ANKRD18B: variants seen among roughly 807,000 people sequenced by gnomAD.
The protein encoded by ANKRD18B is ankyrin repeat domain-containing protein 18B.
In ANKRD18B, 75 loss-of-function variants were observed where a neutral mutation model predicts 111.8. That is an observed-to-expected ratio of 0.67 (90% CI 0.56 to 0.81). The LOEUF is 0.81. Among genes scored for constraint, ANKRD18B ranks in the 40% least tolerant of loss-of-function variants. ANKRD18B has a pLI of 0.00. For synonymous variants in ANKRD18B, 356 were observed against 417.3 expected (o/e 0.85, Z 1.79); for missense variants, 1,038 against 1,225.5 (o/e 0.85, Z 2.28).
Position 33,528,759 on chromosome 9 carries a change from G to A in ANKRD18B, c.239G>A (p.Arg80His), listed in dbSNP as rs774619870. 23 of 1,612,872 alleles carry A rather than the reference G, an allele frequency of 1.4e-5. No individual in the cohort carries two copies. Among genetic ancestry groups the A allele is most frequent in the Middle Eastern group, 3.3e-4 (2 of 6,082 alleles). Residue 80 changes from arginine (R) to histidine (H), a missense_variant, in exon 2 of 19, where the codon CGT becomes CAT. Arg to His is a conservative substitution (Grantham distance 29, BLOSUM62 0). Around this residue, in one of 4 missense-constraint regions of ANKRD18B, gnomAD observed 216 missense variants for 205.1 expected, o/e 1.05. Coordinates refer to ENST00000684830, the MANE Select transcript of ANKRD18B (RefSeq NM_001393611.1). ...TVLHLACAHG[R>H]VQVVTLLLDR... ...CTACATTTGGCCTGTGCCCATGGCC[G>A]TGTGCAAGTGGTCACTCTCTTGCTG...
chr9:33,553,613 G>A (rs1015755477), intron 12 of ANKRD18B, among the ~76,000 whole-genome samples: 4 of 152,164 alleles, frequency 2.6e-5, no homozygotes, highest in African/African-American at 4.8e-5. Context: ...TCAGGAAGAA[G>A]GGAGATCTCT....
At chr9:33,535,784 T>TTA (rs1171050903) in intron 5 of ANKRD18B, among the ~76,000 whole-genome samples, 2 of 101,692 alleles carry the variant, frequency 2.0e-5, no homozygotes, top group Admixed American at 9.0e-5. Context: ...ATTATAAATA[T>TTA]TATATATAAT....
intron 3 of ANKRD18B, among the ~76,000 whole-genome samples, chr9:33,531,535 G>T (rs956851576): frequency 4.7e-5 from 7 of 150,132 alleles, no homozygotes; most frequent in Admixed American, 6.6e-5. Context: ...CCACATCACT[G>T]CTTGGTCTGC....
At chr9:33,550,391 A>T (rs1398011046) in intron 11 of ANKRD18B, 39 bp from the exon 12 acceptor site, 3 of 1,506,720 alleles carry the variant, frequency 2.0e-6, no homozygotes, top group Non-Finnish European at 2.7e-6. Flanking sequence ...TTTAATAATA[A>T]GGCACTTTAT....
rs778088911 is a variant in ANKRD18B at position 33,547,981 on chromosome 9, AT to A, written c.1197del (p.Phe399LeufsTer3). The A allele has an allele frequency of 4.1e-6, 6 of 1,467,614 alleles. No individual in the cohort carries two copies. Among genetic ancestry groups the A allele is most frequent in the Non-Finnish European group, 5.4e-6 (6 of 1,109,730 alleles). 90.9% of individuals were successfully genotyped at this position (1,467,614 alleles called of 1,614,324 possible). On this transcript the variant is annotated frameshift_variant, in exon 11 of 19. Coordinates refer to ENST00000684830, the MANE Select transcript of ANKRD18B (RefSeq NM_001393611.1). LOFTEE classifies it high-confidence loss of function. ...AAAAAGAAGGATGAGATGTTTGGAA[AT>A]TTTATGTTGAAGAGAGACATTGCCA... is the stretch of plus-strand genomic sequence containing the variant. ...YGKKKDEMFGNFMLKRDIAML... is the reference protein window; with the variant it reads ...YGKKKDEMFGXFMLKRDIAML...
At position 33,555,644 on chromosome 9, in the gene ANKRD18B, T is replaced by C. The variant is rs897888783; in HGVS notation, c.2218-64T>C. ...TTATTCATCAACTTATGAGAAATAA[T>C]ATTTTTAAGATAGAAGAGGGTCTCT... On this transcript the variant is annotated intron_variant, in intron 12 of 18. Coordinates refer to ENST00000684830, the MANE Select transcript of ANKRD18B (RefSeq NM_001393611.1). 63 of 1,153,584 alleles carry C rather than the reference T, an allele frequency of 5.5e-5. No homozygotes were observed. The African/African-American group carries it at 9.2e-4, about 17-fold the overall frequency. 71.5% of individuals were successfully genotyped at this position (1,153,584 alleles called of 1,614,324 possible). A position where few individuals can be genotyped will look rare whatever the true frequency, so the allele number is the denominator to read the frequency against.
intron 13 of ANKRD18B, among the ~76,000 whole-genome samples, chr9:33,556,417 C>T (rs1828528130): frequency 6.6e-6 from 1 of 151,728 alleles, no homozygotes; most frequent in East Asian, 1.9e-4. Flanking sequence ...GTGTGCACCA[C>T]CCTGCCTGGC....
In ANKRD18B at chr9:33,566,423, A is replaced by G. The variant is rs1173274396; in HGVS notation, c.2665A>G (p.Lys889Glu). 1 of 1,609,584 alleles carries G rather than the reference A, an allele frequency of 6.2e-7. No homozygotes were observed. The highest frequency in any genetic ancestry group is 1.3e-5 in the African/African-American group (1 of 74,764). ...HMEKDMVELG[K>E]VQEYKSELDE... ...GGAAAAAGATATGGTAGAACTTGGT[A>G]AAGTACAAGAATATAAATCGGAGCT... Residue 889 changes from lysine (K) to glutamate (E), a missense_variant, in exon 15 of 19, where the codon AAA becomes GAA. By Grantham distance (56) the Lys-to-Glu change is moderately conservative (BLOSUM62 1). Around this residue, in one of 4 missense-constraint regions of ANKRD18B, gnomAD observed 524 missense variants for 677.9 expected, o/e 0.77. Coordinates refer to ENST00000684830, the MANE Select transcript of ANKRD18B (RefSeq NM_001393611.1).
Position 33,528,753 on chromosome 9 carries a change from A to G in ANKRD18B, c.233A>G (p.His78Arg), listed in dbSNP as rs1289670112. Residue 78 changes from histidine to arginine, a missense_variant, in exon 2 of 19, where the codon CAT becomes CGT. By Grantham distance (29) the His-to-Arg change is conservative (BLOSUM62 0). Around this residue, in one of 4 missense-constraint regions of ANKRD18B, gnomAD observed 216 missense variants for 205.1 expected, o/e 1.05. Coordinates refer to ENST00000684830, the MANE Select transcript of ANKRD18B (RefSeq NM_001393611.1). ...ACTGTTCTACATTTGGCCTGTGCCC[A>G]TGGCCGTGTGCAAGTGGTCACTCTC... Reference protein sequence around the residue: ...DRTVLHLACAHGRVQVVTLLL... With the variant: ...DRTVLHLACARGRVQVVTLLL... 2 of 1,613,034 alleles carry G rather than the reference A, an allele frequency of 1.2e-6. No homozygotes were observed. Among genetic ancestry groups the G allele is most frequent in the African/African-American group, 2.7e-5 (2 of 74,936 alleles).
chr9:33,541,212 A>G lies in ANKRD18B; in HGVS notation c.1063A>G (p.Lys355Glu). The G allele has an allele frequency of 6.5e-7, 1 of 1,546,450 alleles. No individual in the cohort carries two copies. Among genetic ancestry groups the G allele is most frequent in the Non-Finnish European group, 8.7e-7 (1 of 1,145,846 alleles). ...RKKRKKLKKR[K>E]EGAKEHNLKV... ...AAAAAGAAAAAAATTGAAAAAAAGAAAAGAAGGTGCAAAAGGTAAGACACT... is the reference window on the plus strand; with the variant it reads ...AAAAAGAAAAAAATTGAAAAAAAGAGAAGAAGGTGCAAAAGGTAAGACACT... Residue 355 changes from lysine to glutamate, a missense_variant, in exon 9 of 19, where the codon AAA (lysine) becomes GAA (glutamate). Transcript: ENST00000684830.
At chr9:33,554,079 A>C (rs1359326801) in intron 12 of ANKRD18B, among the ~76,000 whole-genome samples, 1 of 151,810 alleles carries the variant, frequency 6.6e-6, no homozygotes, top group Non-Finnish European at 1.5e-5. Context: ...CTCAAAAAAA[A>C]AATAAATAAA....
At chr9:33,558,269 TGC>T in intron 14 of ANKRD18B, 82 bp downstream of exon 14, 1 of 1,453,414 alleles carries the variant, frequency 6.9e-7, no homozygotes. Context: ...GGTAAATGTG[TGC>T]CATGATGGTT....
In ANKRD18B at chr9:33,555,750, A is replaced by T; in HGVS notation, c.2260A>T (p.Ile754Leu). Residue 754 changes from isoleucine (I) to leucine (L), a missense_variant, in exon 13 of 19, where the codon ATA (isoleucine) becomes TTA (leucine). Ile to Leu is a conservative substitution (Grantham distance 5). This residue lies in a region of ANKRD18B where 524 missense variants were observed against 677.9 expected (regional missense o/e 0.77). Coordinates refer to ENST00000684830, the MANE Select transcript of ANKRD18B (RefSeq NM_001393611.1). ...HEEFRKVFEL[I>L]SLLNYTADQI... is the part of the protein sequence containing the mutation. ...AGAATTCAGAAAAGTTTTTGAATTA[A>T]TATCATTACTGAACTATACTGCGGA... 7.0e-7 allele frequency: 1 copy of T among 1,421,488 alleles called. No homozygotes were observed. The highest frequency in any genetic ancestry group is 9.2e-7 in the Non-Finnish European group (1 of 1,088,878). The allele number at this position is 1,421,488 out of a possible 1,614,324, so 88.1% of individuals were successfully genotyped here.
chr9:33,573,352 C>T, downstream of ANKRD18B: 4 of 961,698 alleles, frequency 4.2e-6, no homozygotes, highest in Non-Finnish European at 4.9e-6. Flanking sequence ...GTCCCTGGCT[C>T]AGCCTCAAGG....
intron 16 of ANKRD18B, among the ~76,000 whole-genome samples, chr9:33,567,686 G>A (rs923167225): frequency 3.3e-5 from 5 of 151,972 alleles, no homozygotes; most frequent in Non-Finnish European, 4.4e-5. Flanking sequence ...TTATTTTTTG[G>A]TAGATCACAA....
chr9:33,574,502 C>T (rs377122757), downstream of ANKRD18B: 10 of 152,704 alleles, frequency 6.5e-5, no homozygotes, highest in African/African-American at 9.7e-5. Flanking sequence ...CAACTTTACA[C>T]ACGACCTGGG....
At chr9:33,568,022 C>T (rs1828713129) in intron 16 of ANKRD18B, among the ~76,000 whole-genome samples, 2 of 152,182 alleles carry the variant, frequency 1.3e-5, no homozygotes, top group Non-Finnish European at 2.9e-5. Context: ...TTCAGAGATG[C>T]TGTAGTTCTT....
rs890449346 is a variant in ANKRD18B at position 33,540,071 on chromosome 9, G to T, written c.863-7G>T. ...TTGTAAATTTTTTTTTTCCTTCGGG[G>T]ATGTAGTCTCGCTCTATCACCAGTC... On this transcript the variant is annotated splice_region_variant and splice_polypyrimidine_tract_variant and intron_variant, in intron 7 of 18. Transcript: ENST00000684830. 5.3e-5 allele frequency: 8 copies of T among 151,914 alleles called. No homozygotes were observed. The highest frequency in any genetic ancestry group is 3.9e-4 in the East Asian group (2 of 5,192). The allele number at this position is 151,914 out of a possible 1,614,324, so 9.4% of individuals were successfully genotyped here. A position where few individuals can be genotyped will look rare whatever the true frequency, so the allele number is the denominator to read the frequency against.
downstream of ANKRD18B, among the ~76,000 whole-genome samples, chr9:33,575,110 A>C (rs549390614): frequency 9.5e-4 from 144 of 152,234 alleles, no homozygotes; most frequent in Middle Eastern, 6.8e-3. Flanking sequence ...TGAGGGTAAT[A>C]CCTGAGCACT....
Sources: gnomAD v4.1 joint callset for allele counts (sites outside exome capture counted in the v4.1 genomes callset) on GRCh38, gnomAD v4.1.1 for gene constraint, gnomAD v4.1.1 regional missense constraint, MANE v1.5 for transcripts, NCBI Gene and HGNC (gene_info 2026-07-23, HGNC 2026-07-21) for gene names.